NIBAN2: variants seen among roughly 807,000 people sequenced by gnomAD.
NIBAN2 encodes the protein protein Niban 2.
A neutral mutation model predicts 81.8 loss-of-function variants in NIBAN2; 36 were observed. That is an observed-to-expected ratio of 0.44 (90% CI 0.34 to 0.58). The LOEUF (loss-of-function observed/expected upper bound fraction) is 0.58, where lower values mean the gene tolerates loss of function less well. Among genes scored for constraint, NIBAN2 ranks in the 20% least tolerant of loss-of-function variants. The pLI is 0.02. For missense variants in NIBAN2, 897 were observed against 1,014.1 expected (o/e 0.88, Z 1.57); for synonymous variants, 445 against 441.6 (o/e 1.01, Z -0.10).
At chr9:127,533,340 C>T (rs1837218978) in intron 1 of NIBAN2, among the ~76,000 whole-genome samples, 1 of 152,220 alleles carries the variant, frequency 6.6e-6, no homozygotes, top group Non-Finnish European at 1.5e-5. Flanking sequence ...GCCTGTAGTC[C>T]CAGCTACTCG....
At chr9:127,543,995 G>T (rs1259267530) in intron 1 of NIBAN2, among the ~76,000 whole-genome samples, 2 of 152,218 alleles carry the variant, frequency 1.3e-5, no homozygotes, top group Non-Finnish European at 2.9e-5. Context: ...GGGATCTGAG[G>T]CTCCTGAGAA....
chr9:127,548,090 C>T (rs186845700), intron 1 of NIBAN2, among the ~76,000 whole-genome samples: 10 of 152,156 alleles, frequency 6.6e-5, no homozygotes, highest in African/African-American at 1.2e-4. Context: ...CCATGTTTCA[C>T]GCCACGCAAT....
chr9:127,546,563 C>T (rs551534763), intron 1 of NIBAN2, among the ~76,000 whole-genome samples: 1 of 152,302 alleles, frequency 6.6e-6, no homozygotes, highest in Admixed American at 6.5e-5. Flanking sequence ...GTGTCAACCA[C>T]TCAGCCCCGC....
intron 1 of NIBAN2, among the ~76,000 whole-genome samples, chr9:127,537,252 C>T (rs1475571996): frequency 1.3e-5 from 2 of 152,206 alleles, no homozygotes; most frequent in Non-Finnish European, 2.9e-5. Flanking sequence ...TGTAAATGGG[C>T]CTCTCCGAAG....
At chr9:127,575,931 T>C (rs75217699) in intron 1 of NIBAN2, among the ~76,000 whole-genome samples, 4,132 of 152,106 alleles carry the variant, frequency 0.027, 152 homozygotes, top group African/African-American at 0.078. Context: ...TTCTGCACCC[T>C]GCCCCCCTAC....
At chr9:127,552,689 T>G (rs989540495) in intron 1 of NIBAN2, among the ~76,000 whole-genome samples, 5 of 138,672 alleles carry the variant, frequency 3.6e-5, no homozygotes, top group Non-Finnish European at 7.8e-5. Context: ...TATTCGTTTT[T>G]TTTTTTTTTT....
chr9:127,509,994 C>G (rs1836702648), intron 9 of NIBAN2, 152 bp downstream of exon 9: 1 of 645,908 alleles, frequency 1.5e-6, no homozygotes. Flanking sequence ...CCTGGCCTCA[C>G]AGCCTCTGCC....
rs940066404 is a variant in NIBAN2 at position 127,545,077 on chromosome 9, A to G, written c.56-13299T>C. Among the ~76,000 whole-genome samples the G allele has an allele frequency of 1.3e-5, 2 of 152,134 alleles. No homozygotes were observed. Among genetic ancestry groups the G allele is most frequent in the African/African-American group, 4.8e-5 (2 of 41,424 alleles). On this transcript the variant is annotated intron_variant, in intron 1 of 13. Transcript: ENST00000373312. This position sits in a 1 kb window ranked among gnomAD's most constrained non-coding sequence, Gnocchi z 4.7. ...GGGGCTTTCACACCCAGCGAACCCA[A>G]GCGAACCGCAACCTCAGCCCCTCAG... is the stretch of plus-strand genomic sequence containing the variant.
At chr9:127,515,520 C>CAAAAAA (rs60740827) in intron 8 of NIBAN2, among the ~76,000 whole-genome samples, 2 of 90,500 alleles carry the variant, frequency 2.2e-5, no homozygotes, top group East Asian at 3.4e-4. Context: ...GACTCCGTCT[C>CAAAAAA]AAAAAAAAAA....
At chr9:127,546,013 C>A (rs533766518) in intron 1 of NIBAN2, among the ~76,000 whole-genome samples, 2 of 152,164 alleles carry the variant, frequency 1.3e-5, no homozygotes, top group African/African-American at 4.8e-5. Context: ...GGTGCCGAGG[C>A]CCCCAGCAGC....
At position 127,508,482 on chromosome 9, in the gene NIBAN2, C is replaced by G; in HGVS notation, c.1374G>C (p.Lys458Asn). The G allele has an allele frequency of 6.2e-7, 1 of 1,613,918 alleles. No individual in the cohort carries two copies. The highest frequency in any genetic ancestry group is 8.5e-7 in the Non-Finnish European group (1 of 1,180,000). The change falls in exon 11 of 14, where the codon AAG becomes AAC. Residue 458 changes from lysine (K) to asparagine (N), a missense_variant. Lys to Asn is a moderately conservative substitution (Grantham distance 94). Around this residue, in one of 3 missense-constraint regions of NIBAN2, gnomAD observed 619 missense variants for 691.0 expected, o/e 0.90. Coordinates refer to ENST00000373312, the MANE Select transcript of NIBAN2 (RefSeq NM_022833.4). The surrounding 1 kb of genome is among the most constrained non-coding windows in gnomAD (Gnocchi z 6.4). ...TGCACAGCTCCTCCTTGGTGGGCCC[C>G]TTCCCCAGCTCCTGGTGCAGGAGGG... ...FETLLHQELG[K>N]GPTKEELCKS...
intron 2 of NIBAN2, among the ~76,000 whole-genome samples, chr9:127,527,605 G>T (rs992113749): frequency 6.6e-6 from 1 of 152,190 alleles, no homozygotes; most frequent in Non-Finnish European, 1.5e-5. Context: ...TGTAGGGCCT[G>T]GCCACAGCCA....
rs150337961 is a variant in NIBAN2, at chr9:127,578,354, CAAAA to C, written c.16+564_16+567del. 6.2e-3 allele frequency among the ~76,000 whole-genome samples: 514 copies of C among 83,568 alleles called. 1 individual carries two copies. Among genetic ancestry groups the C allele is most frequent in the East Asian group, 0.024 (70 of 2,958 alleles). The allele number at this position is 83,568 out of a possible 152,430, so 54.8% of individuals were successfully genotyped here. A position where few individuals can be genotyped will look rare whatever the true frequency, so the allele number is the denominator to read the frequency against. On this transcript the variant is annotated intron_variant, in intron 1 of 13. Transcript: ENST00000373314. ...TGGGCAACAGAGTGAGACTTGGTCT[CAAAA>C]AAAAAAAAAAAAAAAAAAAGTGGCC...
At chr9:127,556,995 G>A (rs985808212) in intron 1 of NIBAN2, among the ~76,000 whole-genome samples, 9 of 152,152 alleles carry the variant, frequency 5.9e-5, no homozygotes, top group African/African-American at 9.7e-5. Context: ...AAGGATTGCC[G>A]GAGCCCGGGA....
At chr9:127,544,488 T>C (rs925123483) in intron 1 of NIBAN2, among the ~76,000 whole-genome samples, 1 of 152,096 alleles carries the variant, frequency 6.6e-6, no homozygotes, top group African/African-American at 2.4e-5. Flanking sequence ...TTTTTTCTTT[T>C]ATTTTTTTAA....
intron 1 of NIBAN2, among the ~76,000 whole-genome samples, chr9:127,566,671 T>C (rs1364198905): frequency 6.6e-6 from 1 of 152,104 alleles, no homozygotes; most frequent in African/African-American, 2.4e-5. Context: ...TCTCTAACTC[T>C]GACATTTCTA....
intron 1 of NIBAN2, among the ~76,000 whole-genome samples, chr9:127,565,044 T>C (rs746392178): frequency 1.3e-4 from 20 of 152,194 alleles, no homozygotes; most frequent in Non-Finnish European, 2.2e-4. Context: ...TGTTTGTACA[T>C]GTGTTACTTT....
At chr9:127,546,931 G>C (rs556409829) in intron 1 of NIBAN2, among the ~76,000 whole-genome samples, 1 of 149,508 alleles carries the variant, frequency 6.7e-6, no homozygotes, top group East Asian at 2.1e-4. Context: ...GCCTCCCAGA[G>C]GGAGGTAGCA....
intron 8 of NIBAN2, among the ~76,000 whole-genome samples, chr9:127,514,330 T>A (rs759535496): frequency 6.7e-6 from 1 of 149,012 alleles, no homozygotes; most frequent in African/African-American, 2.5e-5. Context: ...AAAGGATAAA[T>A]GCTTGAGGGG....
Sources: gnomAD v4.1 joint callset for allele counts (sites outside exome capture counted in the v4.1 genomes callset) on GRCh38, gnomAD v4.1.1 for gene constraint, gnomAD v4.1.1 regional missense constraint, Gnocchi (gnomAD v3.1) non-coding constraint, MANE v1.5 for transcripts, NCBI Gene and HGNC (gene_info 2026-07-23, HGNC 2026-07-21) for gene names.